ATF6: variants seen among roughly 807,000 people sequenced by gnomAD.
ATF6 encodes cyclic AMP-dependent transcription factor ATF-6 alpha.
A neutral mutation model predicts 83.6 loss-of-function variants in ATF6; 53 were observed. The ratio of observed to expected loss-of-function variants is 0.63; its 90% CI spans 0.51 to 0.80. The LOEUF is 0.80. Among genes scored for constraint, ATF6 ranks in the 30% least tolerant of loss-of-function variants. The pLI is 0.00. For missense variants in ATF6, 744 were observed against 797.9 expected, an observed-to-expected ratio of 0.93 and a Z score of 0.81; for synonymous variants, 288 against 285.8, an observed-to-expected ratio of 1.01 and a Z score of -0.08.
At position 161,786,556 on chromosome 1, in the gene ATF6, C is replaced by G. The variant is rs377331495; in HGVS notation, c.354+2460C>G. On this transcript the variant is annotated intron_variant, in intron 4 of 15. Transcript: ENST00000367942. ...CTGAGAGGTTATAAAATAATTCACT[C>G]ATATTTTTACTCTTTTTTTTTGCTT... Among the ~76,000 whole-genome samples the G allele has an allele frequency of 8.5e-5, 13 of 152,130 alleles. No individual in the cohort carries two copies. The East Asian group carries it at 1.5e-3, about 18-fold the overall frequency.
intron 15 of ATF6, among the ~76,000 whole-genome samples, chr1:161,956,289 TAC>T (rs138092793): frequency 2.6e-5 from 4 of 151,214 alleles, no homozygotes; most frequent in African/African-American, 4.8e-5. Context: ...TGCATGCGCA[TAC>T]ACACACACAC....
chr1:161,787,882 T>C (rs567458248), intron 4 of ATF6, among the ~76,000 whole-genome samples: 1 of 152,346 alleles, frequency 6.6e-6, no homozygotes, highest in African/African-American at 2.4e-5. Context: ...ATAGTAGATA[T>C]CTTTATATTA....
At chr1:161,936,398 A>G (rs1688537443) in intron 15 of ATF6, among the ~76,000 whole-genome samples, 1 of 152,226 alleles carries the variant, frequency 6.6e-6, no homozygotes, top group Non-Finnish European at 1.5e-5. Flanking sequence ...TGAAATAATT[A>G]CATCATGAAG....
At chr1:161,911,622 T>C (rs1458391508) in intron 14 of ATF6, among the ~76,000 whole-genome samples, 4 of 152,208 alleles carry the variant, frequency 2.6e-5, no homozygotes, top group Non-Finnish European at 5.9e-5. Flanking sequence ...ACAACTTCTT[T>C]AGCATGCACC....
Position 161,791,499 on chromosome 1 carries a change from A to G in ATF6, c.446A>G (p.Lys149Arg). The stretch of plus-strand genomic sequence containing the variant: ...AGTCTCTCTTCAGCGGAGCCACTGA[A>G]GGAAGATAAGCCTGTCACTGGTCCT... ...SNSLSSAEPL[K>R]EDKPVTGPRN... Residue 149 changes from lysine (K) to arginine (R), a missense_variant, in exon 5 of 16, where the codon AAG (lysine) becomes AGG (arginine). Physicochemically the swap from Lys to Arg is conservative, Grantham distance 26. Coordinates refer to ENST00000367942, the MANE Select transcript of ATF6 (RefSeq NM_007348.4). 6.2e-7 allele frequency: 1 copy of G among 1,612,602 alleles called. No homozygotes were observed. The highest frequency in any genetic ancestry group is 8.5e-7 in the Non-Finnish European group (1 of 1,179,710).
intron 9 of ATF6, among the ~76,000 whole-genome samples, chr1:161,843,112 G>T (rs1006133371): frequency 6.6e-6 from 1 of 152,216 alleles, no homozygotes; most frequent in East Asian, 1.9e-4. Context: ...CCTTTGAAGG[G>T]TGCACTCACG....
intron 14 of ATF6, among the ~76,000 whole-genome samples, chr1:161,906,990 G>GT (rs1323439707): frequency 1.3e-5 from 2 of 151,818 alleles, no homozygotes; most frequent in African/African-American, 2.4e-5. Flanking sequence ...CCCTAATTTT[G>GT]TTTTTTGTAA....
chr1:161,921,233 T>C (rs936288704), intron 15 of ATF6, among the ~76,000 whole-genome samples: 2 of 152,124 alleles, frequency 1.3e-5, no homozygotes, highest in Non-Finnish European at 2.9e-5. Context: ...AGGATTCATG[T>C]TGAAAAGAGA....
At chr1:161,889,040 A>T (rs919835310) in intron 14 of ATF6, among the ~76,000 whole-genome samples, 1 of 151,918 alleles carries the variant, frequency 6.6e-6, no homozygotes, top group African/African-American at 2.4e-5. Context: ...CCTTTATCAC[A>T]CTCCTACAAG....
chr1:161,943,364 C>T (rs1401834917), intron 15 of ATF6, among the ~76,000 whole-genome samples: 8 of 152,216 alleles, frequency 5.3e-5, no homozygotes, highest in Non-Finnish European at 1.2e-4. Flanking sequence ...ACTTTGCCTT[C>T]TGCCATGATT....
intron 15 of ATF6, among the ~76,000 whole-genome samples, chr1:161,949,119 T>C (rs542571260): frequency 2.0e-4 from 30 of 152,340 alleles, no homozygotes; most frequent in South Asian, 1.2e-3. Context: ...CTTATGCTAA[T>C]TCTTGCTTAG....
intron 14 of ATF6, among the ~76,000 whole-genome samples, chr1:161,873,879 T>G (rs1256604578): frequency 6.6e-6 from 1 of 151,562 alleles, no homozygotes; most frequent in Admixed American, 6.6e-5. Flanking sequence ...TCAATAAACA[T>G]TGAATGAATA....
intron 15 of ATF6, among the ~76,000 whole-genome samples, chr1:161,929,174 A>T (rs78469066): frequency 0.013 from 1,910 of 152,348 alleles, 46 homozygotes; most frequent in African/African-American, 0.043. Context: ...GGTGCTGTGT[A>T]TCAATCAGTT....
chr1:161,857,402 G>A (rs1044861310), intron 12 of ATF6, among the ~76,000 whole-genome samples: 1 of 152,022 alleles, frequency 6.6e-6, no homozygotes, highest in Non-Finnish European at 1.5e-5. Context: ...GACTTGTCCT[G>A]TTTCATAGTT....
At chr1:161,862,863 T>C (rs1281684071) in intron 13 of ATF6, among the ~76,000 whole-genome samples, 2 of 152,188 alleles carry the variant, frequency 1.3e-5, no homozygotes, top group Admixed American at 6.5e-5. Context: ...TTTGTATTAC[T>C]AAAAAAATTA....
intron 15 of ATF6, among the ~76,000 whole-genome samples, chr1:161,920,839 A>C (rs1688198774): frequency 6.6e-6 from 1 of 152,200 alleles, no homozygotes; most frequent in Non-Finnish European, 1.5e-5. Context: ...AATTTCTAGA[A>C]AGCTCTGCTT....
rs1571133813 is a variant in ATF6 at position 161,791,457 on chromosome 1, A to G, written c.404A>G (p.Tyr135Cys). Residue 135 changes from tyrosine to cysteine, a missense_variant, in exon 5 of 16, where the codon TAT becomes TGT. Physicochemically the swap from Tyr to Cys is radical, Grantham distance 194. Coordinates refer to ENST00000367942, the MANE Select transcript of ATF6 (RefSeq NM_007348.4). ...SSSQMSPLSL[Y>C]GENSNSLSSA... ...TCTCAGATGTCTCCCCTTTCCTTAT[A>G]TGGTGAAAACTCTAATAGTCTCTCT... is the stretch of plus-strand genomic sequence containing the variant. 1.9e-6 allele frequency: 3 copies of G among 1,612,652 alleles called. No individual in the cohort carries two copies. The highest frequency in any genetic ancestry group is 1.7e-6 in the Non-Finnish European group (2 of 1,179,560).
intron 14 of ATF6, among the ~76,000 whole-genome samples, chr1:161,865,697 C>T (rs16856629): frequency 1.9e-4 from 29 of 152,038 alleles, no homozygotes; most frequent in Admixed American, 1.0e-3. Flanking sequence ...CATTCTGTTT[C>T]GATTTTTCAT....
At chr1:161,858,499 C>T (rs928323558) in intron 12 of ATF6, among the ~76,000 whole-genome samples, 12 of 152,096 alleles carry the variant, frequency 7.9e-5, no homozygotes, top group African/African-American at 2.7e-4. Context: ...AAAAAGTAGA[C>T]TTCCAAACAA....
Sources: gnomAD v4.1 joint callset for allele counts (sites outside exome capture counted in the v4.1 genomes callset) on GRCh38, gnomAD v4.1.1 for gene constraint, MANE v1.5 for transcripts, NCBI Gene and HGNC (gene_info 2026-07-23, HGNC 2026-07-21) for gene names.